CEBPZ: variants seen among roughly 807,000 people sequenced by gnomAD.
CEBPZ encodes the protein CCAAT enhancer binding protein zeta.
Under a neutral mutation model 104.5 loss-of-function variants are expected in CEBPZ, and 78 were observed. The observed-to-expected ratio is 0.75, with a 90% CI of 0.62 to 0.90. The LOEUF is 0.90. Ranked by LOEUF, CEBPZ falls within the 40% of genes least tolerant of loss-of-function variation. CEBPZ has a pLI of 0.00. For missense variants in CEBPZ, 1,439 were observed against 1,233.5 expected (o/e 1.17, Z -2.50); for synonymous variants, 470 against 427.0 (o/e 1.10, Z -1.24).
rs1213439185 is a variant in CEBPZ, at chr2:37,222,446, G to A, written c.1999C>T (p.Pro667Ser). 2 of 1,608,900 alleles carry A rather than the reference G, an allele frequency of 1.2e-6. No individual in the cohort carries two copies. The highest frequency in any genetic ancestry group is 1.7e-6 in the Non-Finnish European group (2 of 1,178,468). Residue 667 changes from proline to serine, a missense_variant, in exon 4 of 16, where the codon CCT (proline) becomes TCT (serine). By Grantham distance (74) the Pro-to-Ser change is moderately conservative. Coordinates refer to ENST00000234170, the MANE Select transcript of CEBPZ (RefSeq NM_005760.3). ...TTTTTGGTTTCTACATCAGTTTCAG[G>A]AACTGTTTCCTCTGTCTCAAGTTTT... The part of the protein sequence containing the change: ...VKKLETEETV[P>S]ETDVETKKPE...
chr2:37,209,047 C>CAAAA (rs57671740), intron 13 of CEBPZ: 1 of 114,458 alleles, frequency 8.7e-6, no homozygotes, highest in Non-Finnish European at 1.9e-5. Context: ...CAACACCTGC[C>CAAAA]AAAAAAAAAA....
chr2:37,229,712 TTAAC>T lies in CEBPZ; in HGVS notation c.157-680_157-677del, dbSNP rs567728684. Among the ~76,000 whole-genome samples the T allele has an allele frequency of 1.2e-4, 18 of 152,302 alleles. No individual in the cohort carries two copies. The South Asian group carries it at 1.9e-3, about 16-fold the overall frequency. On this transcript the variant is annotated intron_variant, in intron 1 of 15. Transcript: ENST00000234170. ...GGCCCAGCAGCTTCATTTCTAAAAA[TTAAC>T]TAACTGATTGAGACATGGTCTCGCT...
chr2:37,228,633 T>C lies in CEBPZ; in HGVS notation c.560A>G (p.Glu187Gly), dbSNP rs750453576. The change falls in exon 2 of 16, where the codon GAG becomes GGG. Residue 187 changes from glutamate to glycine, a missense_variant. Coordinates refer to ENST00000234170, the MANE Select transcript of CEBPZ (RefSeq NM_005760.3). ...LRPGGKWYDL[E>G]YSNEYSLKPQ... ...TTTCAAAGAATATTCATTGCTGTAC[T>C]CCAGATCATACCATTTGCCTCCAGG... 3 of 1,614,166 alleles carry C rather than the reference T, an allele frequency of 1.9e-6. No individual in the cohort carries two copies. In the South Asian group the frequency reaches 3.3e-5, roughly 18 times the overall value.
Position 37,220,319 on chromosome 2 carries a change from A to AAAG in CEBPZ, c.2154+65_2154+66insCTT, listed in dbSNP as rs1251168167. 1.7e-3 allele frequency: 710 copies of AAAG among 410,478 alleles called. 3 individuals are homozygous for AAAG. The highest frequency in any genetic ancestry group is 4.1e-3 in the Middle Eastern group (5 of 1,222). The allele number at this position is 410,478 out of a possible 1,614,324, so 25.4% of individuals were successfully genotyped here. ...TGACAGAGGAAGACTCTGTCTCAAA[A>AAAG]AAAAAAAAAATATATATATATATAT... On this transcript the variant is annotated intron_variant, in intron 5 of 15. Coordinates refer to ENST00000234170, the MANE Select transcript of CEBPZ (RefSeq NM_005760.3).
chr2:37,216,018 G>T, intron 8 of CEBPZ, 122 bp downstream of exon 8: 3 of 607,284 alleles, frequency 4.9e-6, no homozygotes, highest in Non-Finnish European at 7.9e-6. Flanking sequence ...TGGGAAAAAA[G>T]ATGGATAATG....
chr2:37,231,426 G>A lies in CEBPZ; in HGVS notation c.142C>T (p.Leu48Phe), dbSNP rs144845215. Reference sequence around the variant, plus strand: ...GCGGCCGTTACCTTGGTGCCTCCGAGCCGTAACACTTCCTCCAGGGAGAAC... The same window carrying A: ...GCGGCCGTTACCTTGGTGCCTCCGAACCGTAACACTTCCTCCAGGGAGAAC... ...NGFSLEEVLR[L>F]GGTKQDYLML... The change falls in exon 1 of 16, where the codon CTC (leucine) becomes TTC (phenylalanine). Residue 48 changes from leucine to phenylalanine, a missense_variant. Transcript: ENST00000234170. 1.9e-6 allele frequency: 3 copies of A among 1,614,038 alleles called. No homozygotes were observed. The highest frequency in any genetic ancestry group is 2.5e-6 in the Non-Finnish European group (3 of 1,180,042).
At position 37,228,995 on chromosome 2, in the gene CEBPZ, TTCC is replaced by T; in HGVS notation, c.195_197del (p.Glu66del). On this transcript the variant is annotated inframe_deletion, in exon 2 of 16. Transcript: ENST00000234170. ...CTCCTTTTTTGCCTCCATCTATCAC[TTCC>T]TCATTCTCATCCAAAGTAGCCAGCA... The T allele has an allele frequency of 6.3e-7, 1 of 1,584,472 alleles. No homozygotes were observed. Among genetic ancestry groups the T allele is most frequent in the Non-Finnish European group, 8.5e-7 (1 of 1,170,046 alleles).
At chr2:37,208,963 G>A (rs550096690) in intron 13 of CEBPZ, 9 of 151,550 alleles carry the variant, frequency 5.9e-5, no homozygotes, top group African/African-American at 2.2e-4. Flanking sequence ...AAATCAATGT[G>A]CGCAAACCAG....
chr2:37,222,565 T>A lies in CEBPZ; in HGVS notation c.1882-2A>T. 1 of 1,573,510 alleles carries A rather than the reference T, an allele frequency of 6.4e-7. No individual in the cohort carries two copies. Among genetic ancestry groups the A allele is most frequent in the Non-Finnish European group, 8.6e-7 (1 of 1,163,804 alleles). On this transcript the variant is annotated splice_acceptor_variant, in intron 3 of 15. Coordinates refer to ENST00000234170, the MANE Select transcript of CEBPZ (RefSeq NM_005760.3). LOFTEE classifies it high-confidence loss of function. ...AAAATTTTCTTCATCATCAGACTCCTAACAAAAGTATAGTTTCATAAATCT... is the reference window on the plus strand; with the variant it reads ...AAAATTTTCTTCATCATCAGACTCCAAACAAAAGTATAGTTTCATAAATCT...
Position 37,214,790 on chromosome 2 carries a change from T to C in CEBPZ, c.2447+96A>G, listed in dbSNP as rs116136533. The C allele has an allele frequency of 1.3e-3, 960 of 749,140 alleles. 7 individuals carry two copies. In the African/African-American group the frequency reaches 0.015, roughly 11 times the overall value. The allele number at this position is 749,140 out of a possible 1,614,324, so 46.4% of individuals were successfully genotyped here. On this transcript the variant is annotated intron_variant, in intron 9 of 15. Coordinates refer to ENST00000234170, the MANE Select transcript of CEBPZ (RefSeq NM_005760.3). ...TCTATTTACACACAGTAGTAGATTA[T>C]TGAAGTAGATTATTTCATAAAATGA... is the stretch of plus-strand genomic sequence containing the variant.
intron 13 of CEBPZ, 79 bp from the exon 14 acceptor site, chr2:37,203,087 T>TTTAAAAA: frequency 1.0e-6 from 1 of 979,280 alleles, no homozygotes; most frequent in Non-Finnish European, 1.5e-6. Context: ...ATGATTTTAT[T>TTTAAAAA]TTAAAAATTA....
rs745516897 is a variant in CEBPZ, at chr2:37,214,973, A to AT, written c.2381-22dup. On this transcript the variant is annotated intron_variant, in intron 8 of 15. Transcript: ENST00000234170. ...GTTCACTACAAAAATAAATTTAAAC[A>AT]TTTTAACTTCATATAGCAATCCCCT... is the stretch of plus-strand genomic sequence containing the variant. The AT allele has an allele frequency of 2.7e-6, 4 of 1,505,218 alleles. No individual in the cohort carries two copies. The African/African-American group carries it at 5.5e-5, about 21-fold the overall frequency. 93.2% of individuals were successfully genotyped at this position (1,505,218 alleles called of 1,614,324 possible). A position where few individuals can be genotyped will look rare whatever the true frequency, so the allele number is the denominator to read the frequency against.
chr2:37,216,921 ATTGAT>A (rs1664600178), intron 6 of CEBPZ, 58 bp downstream of exon 6: 29 of 1,323,854 alleles, frequency 2.2e-5, no homozygotes, highest in Non-Finnish European at 2.8e-5. Context: ...ATGACCAATT[ATTGAT>A]TATCTAAAAT....
At chr2:37,217,169 A>G in intron 5 of CEBPZ, 132 bp from the exon 6 acceptor site, 1 of 673,364 alleles carries the variant, frequency 1.5e-6, no homozygotes. Context: ...AGGCTCAGGC[A>G]GGCAGATTGC....
chr2:37,210,147 G>A (rs942008869), intron 13 of CEBPZ: 4 of 152,208 alleles, frequency 2.6e-5, no homozygotes, highest in African/African-American at 9.6e-5. Context: ...CATGGATGTG[G>A]TAATAAGGGA....
At chr2:37,209,474 C>T (rs1409408902) in intron 13 of CEBPZ, 1 of 152,064 alleles carries the variant, frequency 6.6e-6, no homozygotes, top group East Asian at 1.9e-4. Context: ...GAATAGAGAA[C>T]CCAGAAATAA....
chr2:37,228,718 C>G lies in CEBPZ; in HGVS notation c.475G>C (p.Val159Leu). The G allele has an allele frequency of 1.2e-6, 2 of 1,614,176 alleles. No homozygotes were observed. Among genetic ancestry groups the G allele is most frequent in the Non-Finnish European group, 1.7e-6 (2 of 1,180,000 alleles). Residue 159 changes from valine to leucine, a missense_variant, in exon 2 of 16, where the codon GTA becomes CTA. By Grantham distance (32) the Val-to-Leu change is conservative (BLOSUM62 1). Coordinates refer to ENST00000234170, the MANE Select transcript of CEBPZ (RefSeq NM_005760.3). ...AAGATGTTCTGTTTATCTTTCTTTACTTTCGGTGTGGTACTGCCATTCTCA... is the reference window on the plus strand; with the variant it reads ...AAGATGTTCTGTTTATCTTTCTTTAGTTTCGGTGTGGTACTGCCATTCTCA... Reference protein sequence around the residue: ...SDENGSTTPKVKKDKQNIFEF... With the variant: ...SDENGSTTPKLKKDKQNIFEF...
At chr2:37,217,101 T>C in intron 5 of CEBPZ, 64 bp from the exon 6 acceptor site, 1 of 1,411,830 alleles carries the variant, frequency 7.1e-7, no homozygotes, top group East Asian at 2.3e-5. Context: ...ATTTATAGCT[T>C]ATTTAAGAAA....
At chr2:37,208,741 G>A (rs1677620569) in intron 13 of CEBPZ, 1 of 152,084 alleles carries the variant, frequency 6.6e-6, no homozygotes, top group Non-Finnish European at 1.5e-5. Context: ...ACAAGACAAG[G>A]ATGCCCACTT....
Sources: allele counts gnomAD v4.1 joint callset (sites outside exome capture counted in the v4.1 genomes callset), GRCh38; gene constraint gnomAD v4.1.1; transcripts MANE v1.5; gene names NCBI Gene and HGNC (gene_info 2026-07-23, HGNC 2026-07-21).